Variants in HIVEP1 observed in about 807,000 individuals in gnomAD.
The protein encoded by HIVEP1 is zinc finger protein 40.
A neutral mutation model predicts 180.0 loss-of-function variants in HIVEP1; 36 were observed. The observed-to-expected ratio is 0.20, with a 90% confidence interval of 0.15 to 0.26. The LOEUF is 0.26. HIVEP1 is among the 10% of genes least tolerant of loss of function. The probability of loss-of-function intolerance (pLI) is 1.00; values close to 1 mark genes in which losing one functional copy is unlikely to be tolerated. For synonymous variants in HIVEP1, 1,239 were observed against 1,239.0 expected, an observed-to-expected ratio of 1.00 and a Z score of 0.00; for missense variants, 3,143 against 3,268.7, an observed-to-expected ratio of 0.96 and a Z score of 0.94.
downstream of HIVEP1, among the ~76,000 whole-genome samples, chr6:12,167,640 C>CATGTTATATTAAATGTAT (rs1562023596): frequency 2.1e-5 from 2 of 95,756 alleles, no homozygotes; most frequent in Admixed American, 1.1e-4. Context: ...GTTATATATA[C>CATGTTATATTAAATGTAT]ATATACATAT....
chr6:12,109,707 T>G lies in HIVEP1; in HGVS notation c.95-10183T>G, dbSNP rs527646527. On this transcript the variant is annotated intron_variant, in intron 3 of 8. Transcript: ENST00000379388. ...TGAAGTCTTGAATCCCTCAAAGTCA[T>G]CCTTGAGGACTGGAATCTGCTTCTT... 6.6e-5 allele frequency among the ~76,000 whole-genome samples: 10 copies of G among 152,306 alleles called. No individual in the cohort carries two copies. In the South Asian group the frequency reaches 2.1e-3, roughly 32 times the overall value.
chr6:12,110,966 CATT>C lies in HIVEP1; in HGVS notation c.95-8923_95-8921del, dbSNP rs540878885. ...GGCTTATTAACTGGCATAATTTTAA[CATT>C]GTTGTGTCTTGGGTAATAGGCAGGT... On this transcript the variant is annotated intron_variant, in intron 3 of 8. Transcript: ENST00000379388. 5.3e-5 allele frequency among the ~76,000 whole-genome samples: 8 copies of C among 152,268 alleles called. No individual in the cohort carries two copies. The East Asian group carries it at 7.7e-4, about 15-fold the overall frequency.
At chr6:12,195,519 A>G in the HIVEP1 span, among the ~76,000 whole-genome samples, 2 of 152,234 alleles carry the variant, frequency 1.3e-5, no homozygotes, top group African/African-American at 2.4e-5. Flanking sequence ...ATTCCTCTAC[A>G]ATTTTACATC....
rs1260764993 is a variant in HIVEP1 at position 12,012,490 on chromosome 6, C to T, written c.-180C>T. 2 of 150,442 alleles carry T rather than the reference C, an allele frequency of 1.3e-5. No individual in the cohort carries two copies. Among genetic ancestry groups the T allele is most frequent in the East Asian group, 1.9e-4 (1 of 5,132 alleles). The allele number at this position is 150,442 out of a possible 1,614,324, so 9.3% of individuals were successfully genotyped here. ...CGCGGGGGTCGCGGAGATCCCGAGC[C>T]GCGGCCGCCGCCATCAGCAGCGCAG... On this transcript the variant is annotated 5_prime_UTR_variant, in exon 1 of 9. Transcript: ENST00000379388.
chr6:12,131,013 C>A, intron 6 of HIVEP1, 71 bp downstream of exon 6: 1 of 1,123,122 alleles, frequency 8.9e-7, no homozygotes, highest in Non-Finnish European at 1.3e-6. Flanking sequence ...CCCAACTGTG[C>A]GTTTTCTTTG....
intron 6 of HIVEP1, 89 bp from the exon 7 acceptor site, chr6:12,135,702 G>C: frequency 1.3e-6 from 1 of 792,512 alleles, no homozygotes; most frequent in Non-Finnish European, 2.1e-6. Context: ...CTGTACTTTT[G>C]CTTGAATAGG....
At chr6:12,177,739 C>CTAATTCTAATTAGCTTAT in the HIVEP1 span, among the ~76,000 whole-genome samples, 1 of 152,102 alleles carries the variant, frequency 6.6e-6, no homozygotes, top group South Asian at 2.1e-4. Flanking sequence ...TTCTAATAAG[C>CTAATTCTAATTAGCTTAT]TAGATAAGTG....
downstream of HIVEP1, chr6:12,165,199 G>C (rs1359157881): frequency 2.1e-6 from 1 of 479,886 alleles, no homozygotes; most frequent in African/African-American, 2.0e-5. Flanking sequence ...TTATTTGTGA[G>C]AAGTCATTTC....
chr6:12,074,347 C>T (rs1387071077), intron 2 of HIVEP1, among the ~76,000 whole-genome samples: 1 of 151,998 alleles, frequency 6.6e-6, no homozygotes, highest in African/African-American at 2.4e-5. Flanking sequence ...GATTATATAC[C>T]TACTTTTTAA....
rs2113565160 is a variant in HIVEP1 at position 12,015,509 on chromosome 6, G to GT, written c.-103-10dup. Reference sequence around the variant, plus strand: ...TGAAGGTAGTAAAATGTGCTTCTCCGTTTTTTTCTTTTTCAGCACATGGAT... The same window carrying GT: ...TGAAGGTAGTAAAATGTGCTTCTCCGTTTTTTTTCTTTTTCAGCACATGGAT... On this transcript the variant is annotated splice_polypyrimidine_tract_variant and intron_variant, in intron 1 of 8. Coordinates refer to ENST00000379388, the MANE Select transcript of HIVEP1 (RefSeq NM_002114.4). The GT allele has an allele frequency of 2.5e-6, 2 of 805,854 alleles. No homozygotes were observed. Among genetic ancestry groups the GT allele is most frequent in the East Asian group, 2.5e-5 (1 of 39,962 alleles). The allele number at this position is 805,854 out of a possible 1,614,324, so 49.9% of individuals were successfully genotyped here.
At chr6:12,016,377 A>C (rs1214693095) in intron 2 of HIVEP1, among the ~76,000 whole-genome samples, 1 of 152,252 alleles carries the variant, frequency 6.6e-6, no homozygotes. Context: ...TTCAGGAGAT[A>C]AGAATGTAGT....
chr6:12,201,510 A>G, the HIVEP1 span, among the ~76,000 whole-genome samples: 1 of 152,108 alleles, frequency 6.6e-6, no homozygotes, highest in Non-Finnish European at 1.5e-5. Context: ...AAAACAAAAC[A>G]AAACATTTTT....
the HIVEP1 span, among the ~76,000 whole-genome samples, chr6:12,191,762 T>C: frequency 1.3e-5 from 2 of 152,328 alleles, no homozygotes; most frequent in Admixed American, 6.5e-5. Flanking sequence ...CAATGTAACA[T>C]GGTAATGCTT....
At chr6:12,174,320 A>C in the HIVEP1 span, among the ~76,000 whole-genome samples, 1 of 152,338 alleles carries the variant, frequency 6.6e-6, no homozygotes, top group South Asian at 2.1e-4. Flanking sequence ...TAATTTCTAA[A>C]ATTTATTTTT....
chr6:12,207,903 CAA>C, the HIVEP1 span, among the ~76,000 whole-genome samples: 6 of 91,094 alleles, frequency 6.6e-5, no homozygotes, highest in Non-Finnish European at 9.4e-5. Context: ...GACTCTGTCT[CAA>C]AAAAAAAAAA....
At chr6:12,029,823 T>G (rs112282601) in intron 2 of HIVEP1, among the ~76,000 whole-genome samples, 3 of 152,142 alleles carry the variant, frequency 2.0e-5, no homozygotes, top group African/African-American at 7.2e-5. Context: ...TAAAAATAAT[T>G]TAAGAGAAGA....
At chr6:12,019,004 A>C (rs981262925) in intron 2 of HIVEP1, among the ~76,000 whole-genome samples, 7 of 152,206 alleles carry the variant, frequency 4.6e-5, no homozygotes, top group Non-Finnish European at 1.0e-4. Context: ...ACTTGGAATA[A>C]ATTGTGTCTG....
At chr6:12,014,629 TTAAAATTTCAGCTTTAAGATCC>T (rs1313581017) in intron 1 of HIVEP1, among the ~76,000 whole-genome samples, 4 of 152,330 alleles carry the variant, frequency 2.6e-5, no homozygotes, top group Admixed American at 1.3e-4. Flanking sequence ...TTGCAGTAAG[TTAAAATTTCAGCTTTAAGATCC>T]TTGAGAATCT....
At chr6:12,082,825 C>G (rs961764165) in intron 2 of HIVEP1, among the ~76,000 whole-genome samples, 7 of 152,126 alleles carry the variant, frequency 4.6e-5, no homozygotes, top group Non-Finnish European at 1.0e-4. Flanking sequence ...TGCCGGCACA[C>G]AGGAGCTAAT....
Sources: allele counts gnomAD v4.1 joint callset (sites outside exome capture counted in the v4.1 genomes callset), GRCh38; gene constraint gnomAD v4.1.1; transcripts MANE v1.5; gene names NCBI Gene and HGNC (gene_info 2026-07-23, HGNC 2026-07-21).